TOM1L2: variants seen among roughly 807,000 people sequenced by gnomAD.
The protein encoded by TOM1L2 is target of myb1 like 2 membrane trafficking protein, also known as TOM1-like protein 2.
A neutral mutation model predicts 67.9 loss-of-function variants in TOM1L2; 31 were observed. That is an observed-to-expected ratio of 0.46 (90% confidence interval 0.34 to 0.62). TOM1L2 has a LOEUF of 0.62. Among genes scored for constraint, TOM1L2 ranks in the 20% least tolerant of loss-of-function variants. The probability of loss-of-function intolerance (pLI) is 0.01; values close to 1 mark genes in which losing one functional copy is unlikely to be tolerated. For synonymous variants in TOM1L2, 256 were observed against 254.0 expected, an observed-to-expected ratio of 1.01 and a Z score of -0.07; for missense variants, 606 against 663.5, an observed-to-expected ratio of 0.91 and a Z score of 0.95.
At chr17:17,873,444 A>AG (rs1342142943) in intron 7 of TOM1L2, among the ~76,000 whole-genome samples, 1 of 152,024 alleles carries the variant, frequency 6.6e-6, no homozygotes, top group Non-Finnish European at 1.5e-5. Context: ...AAAAACCTCC[A>AG]GCAAGGGGTG....
chr17:17,969,333 G>A (rs1243278028), intron 1 of TOM1L2, among the ~76,000 whole-genome samples: 7 of 152,162 alleles, frequency 4.6e-5, no homozygotes, highest in Non-Finnish European at 1.0e-4. Context: ...TGGGATTACA[G>A]GCATGAGCCA....
At chr17:17,967,637 C>T (rs756788634) in intron 1 of TOM1L2, among the ~76,000 whole-genome samples, 4 of 152,154 alleles carry the variant, frequency 2.6e-5, no homozygotes, top group Admixed American at 6.5e-5. Context: ...GATGCAGTCT[C>T]GCTCTGTCAT....
chr17:17,959,737 C>T (rs896278236), intron 1 of TOM1L2, among the ~76,000 whole-genome samples: 1 of 152,182 alleles, frequency 6.6e-6, no homozygotes, highest in African/African-American at 2.4e-5. Context: ...TCAAAGACAG[C>T]CCAATTCTCT....
chr17:17,913,033 G>A (rs77681052), intron 1 of TOM1L2, among the ~76,000 whole-genome samples: 67,808 of 151,880 alleles, frequency 0.45, 16,018 homozygotes, highest in East Asian at 0.86. Context: ...AAAAAAATAC[G>A]AAAACCAGTC....
chr17:17,854,506 T>C (rs975422265), intron 12 of TOM1L2, among the ~76,000 whole-genome samples: 5 of 151,860 alleles, frequency 3.3e-5, no homozygotes, highest in African/African-American at 9.7e-5. Flanking sequence ...TTTTTATTTA[T>C]TTATTTAGTT....
Position 17,926,084 on chromosome 17 carries a change from T to A in TOM1L2, c.53-18553A>T, listed in dbSNP as rs951052995. Among the ~76,000 whole-genome samples, 3 of 150,666 alleles carry A rather than the reference T, an allele frequency of 2.0e-5. No individual in the cohort carries two copies. In the Admixed American group the frequency reaches 2.0e-4, roughly 10 times the overall value. Reference sequence around the variant, plus strand: ...TACTCCACAGGCTGAGGTGAGAGGATCACTTGAGCACAGGATGTCGAGGCC... The same window carrying A: ...TACTCCACAGGCTGAGGTGAGAGGAACACTTGAGCACAGGATGTCGAGGCC... On this transcript the variant is annotated intron_variant, in intron 1 of 14. Coordinates refer to ENST00000379504, the MANE Select transcript of TOM1L2 (RefSeq NM_001082968.2).
intron 1 of TOM1L2, among the ~76,000 whole-genome samples, chr17:17,919,689 A>C (rs1352844830): frequency 1.3e-5 from 2 of 152,214 alleles, no homozygotes; most frequent in African/African-American, 2.4e-5. Context: ...CCCTATGGGC[A>C]GTTTCTTGCC....
At chr17:17,968,892 C>T (rs950071415) in intron 1 of TOM1L2, among the ~76,000 whole-genome samples, 1 of 151,988 alleles carries the variant, frequency 6.6e-6, no homozygotes, top group African/African-American at 2.4e-5. Flanking sequence ...TATGAACAGC[C>T]CTCAGACTCA....
chr17:17,939,370 C>T (rs1276924852), intron 1 of TOM1L2, among the ~76,000 whole-genome samples: 4 of 152,206 alleles, frequency 2.6e-5, no homozygotes, highest in African/African-American at 9.6e-5. Flanking sequence ...AGATTCTATT[C>T]AGTCTTAAAA....
intron 1 of TOM1L2, among the ~76,000 whole-genome samples, chr17:17,949,859 A>AT (rs1278171661): frequency 2.0e-5 from 3 of 151,694 alleles, no homozygotes; most frequent in Admixed American, 1.3e-4. Flanking sequence ...TTTTATTTTT[A>AT]TTTTTTAAAT....
intron 4 of TOM1L2, among the ~76,000 whole-genome samples, chr17:17,886,603 G>A (rs1033371031): frequency 2.0e-5 from 3 of 152,224 alleles, no homozygotes; most frequent in East Asian, 3.8e-4. Context: ...GCCCACTGTC[G>A]GAGGCTGGGG....
chr17:17,910,702 T>C (rs113775891), intron 1 of TOM1L2, among the ~76,000 whole-genome samples: 1 of 152,112 alleles, frequency 6.6e-6, no homozygotes, highest in Admixed American at 6.5e-5. Context: ...CCCGAGTAGC[T>C]GGGATTACAG....
intron 1 of TOM1L2, among the ~76,000 whole-genome samples, chr17:17,963,001 C>T (rs1190539402): frequency 1.3e-5 from 2 of 151,528 alleles, no homozygotes; most frequent in African/African-American, 4.8e-5. Context: ...TATATTTTAT[C>T]AGGTTTTTTT....
At chr17:17,896,720 G>C (rs933746518) in intron 3 of TOM1L2, among the ~76,000 whole-genome samples, 1 of 152,166 alleles carries the variant, frequency 6.6e-6, no homozygotes, top group Admixed American at 6.5e-5. Flanking sequence ...AAGTAAACGG[G>C]GCCTCTAAGC....
At chr17:17,881,682 C>A (rs575731299) in intron 6 of TOM1L2, among the ~76,000 whole-genome samples, 1 of 152,106 alleles carries the variant, frequency 6.6e-6, no homozygotes, top group African/African-American at 2.4e-5. Flanking sequence ...GATGGGAGAC[C>A]GGGGTTAAAT....
rs190573009 is a variant in TOM1L2 at position 17,901,186 on chromosome 17, G to A, written c.138-2512C>T. Among the ~76,000 whole-genome samples, 9 of 152,298 alleles carry A rather than the reference G, an allele frequency of 5.9e-5. No homozygotes were observed. In the East Asian group the frequency reaches 1.5e-3, roughly 26 times the overall value. On this transcript the variant is annotated intron_variant, in intron 2 of 14. Coordinates refer to ENST00000379504, the MANE Select transcript of TOM1L2 (RefSeq NM_001082968.2). ...GCAAGTATTTATCTCTCTCCCCGGG[G>A]GAAAAGCTTCAGAGAGGAGGATCAA...
intron 1 of TOM1L2, among the ~76,000 whole-genome samples, chr17:17,911,883 CTG>C (rs1335221342): frequency 2.0e-5 from 3 of 148,630 alleles, no homozygotes; most frequent in African/African-American, 7.5e-5. Flanking sequence ...CTTCAAGCAT[CTG>C]TTTAACAAAG....
At chr17:17,909,721 A>G (rs2039260648) in intron 1 of TOM1L2, among the ~76,000 whole-genome samples, 4 of 152,144 alleles carry the variant, frequency 2.6e-5, no homozygotes, top group Admixed American at 2.0e-4. Flanking sequence ...ATGCCACTGA[A>G]CTGTATACTT....
chr17:17,862,601 A>AC (rs1460270929), intron 11 of TOM1L2, 130 bp downstream of exon 11: 4 of 759,360 alleles, frequency 5.3e-6, no homozygotes, highest in Non-Finnish European at 8.9e-6. Context: ...CCAAGTCCTT[A>AC]CAGCCATGCT....
Sources: allele counts gnomAD v4.1 joint callset (sites outside exome capture counted in the v4.1 genomes callset), GRCh38; gene constraint gnomAD v4.1.1; transcripts MANE v1.5; gene names NCBI Gene and HGNC (gene_info 2026-07-23, HGNC 2026-07-21).